PGM5: variants seen among roughly 807,000 people sequenced by gnomAD.
PGM5 encodes phosphoglucomutase 5, also known as phosphoglucomutase-like protein 5.
PGM5 carries 23 observed loss-of-function variants against 59.2 expected under a neutral mutation model. The observed-to-expected ratio is 0.39, with a 90% CI of 0.28 to 0.55. The LOEUF is 0.55. Ranked by LOEUF, PGM5 falls within the 20% of genes least tolerant of loss-of-function variation. The pLI, the probability that PGM5 is intolerant of heterozygous loss-of-function variation, is 0.66. For synonymous variants in PGM5, 214 were observed against 286.0 expected (o/e 0.75, Z 2.54); for missense variants, 574 against 748.3 (o/e 0.77, Z 2.72).
intron 6 of PGM5, among the ~76,000 whole-genome samples, chr9:68,418,585 C>T (rs7023556): frequency 0.39 from 59,642 of 151,722 alleles, 11,833 homozygotes; most frequent in East Asian, 0.64. Flanking sequence ...GATGCTGCAG[C>T]TGCTGCTGCA....
At chr9:68,397,523 C>T (rs1236513039) in intron 6 of PGM5, 2 of 152,224 alleles carry the variant, frequency 1.3e-5, no homozygotes, top group Admixed American at 6.5e-5. Context: ...TGGATTAGTG[C>T]TCATCTACCC....
At chr9:68,407,450 C>T (rs1357197604) in intron 6 of PGM5, among the ~76,000 whole-genome samples, 11 of 152,080 alleles carry the variant, frequency 7.2e-5, no homozygotes, top group South Asian at 2.1e-4. Flanking sequence ...CCTTTTGATC[C>T]GTACTTTTTG....
chr9:68,469,566 G>T (rs2132082380), intron 7 of PGM5, among the ~76,000 whole-genome samples: 1 of 152,300 alleles, frequency 6.6e-6, no homozygotes, highest in Non-Finnish European at 1.5e-5. Context: ...ACAAGAAGGG[G>T]CCCTGAGTGT....
chr9:68,369,155 A>G (rs1435879403), intron 1 of PGM5, among the ~76,000 whole-genome samples: 9 of 152,348 alleles, frequency 5.9e-5, no homozygotes, highest in Middle Eastern at 3.4e-3. Flanking sequence ...ACGTGTCAAG[A>G]GTCTGTTAGG....
intron 10 of PGM5, among the ~76,000 whole-genome samples, chr9:68,502,147 G>T (rs1464386753): frequency 6.6e-6 from 1 of 152,190 alleles, no homozygotes; most frequent in Non-Finnish European, 1.5e-5. Context: ...GAGATGGGCA[G>T]GTTCTTGCCC....
chr9:68,474,447 T>G (rs187608991), intron 7 of PGM5, among the ~76,000 whole-genome samples: 1 of 152,194 alleles, frequency 6.6e-6, no homozygotes, highest in Non-Finnish European at 1.5e-5. Flanking sequence ...ATTTTTCCCT[T>G]TTCTTTTGTG....
intron 2 of PGM5, among the ~76,000 whole-genome samples, chr9:68,382,318 A>G (rs1321115636): frequency 6.6e-6 from 1 of 151,752 alleles, no homozygotes; most frequent in Non-Finnish European, 1.5e-5. Context: ...ACAAAAATGT[A>G]AAAGAATGAA....
intron 4 of PGM5, among the ~76,000 whole-genome samples, chr9:68,390,681 A>G (rs1185803358): frequency 9.2e-5 from 14 of 152,102 alleles, no homozygotes; most frequent in Non-Finnish European, 2.9e-5. Flanking sequence ...CTTATGTTCT[A>G]CCTCAGGCTC....
At chr9:68,392,530 C>T in intron 6 of PGM5, 57 bp downstream of exon 6, 2 of 1,592,346 alleles carry the variant, frequency 1.3e-6, no homozygotes, top group Non-Finnish European at 1.7e-6. Context: ...GTTGATGTCT[C>T]CTTTGTTGGT....
At chr9:68,518,093 C>A (rs767046768) in intron 10 of PGM5, among the ~76,000 whole-genome samples, 3 of 152,206 alleles carry the variant, frequency 2.0e-5, no homozygotes, top group Non-Finnish European at 4.4e-5. Flanking sequence ...AAGAGGCAGA[C>A]CTGTGTGGCA....
At chr9:68,371,380 G>A (rs567020170) in intron 1 of PGM5, among the ~76,000 whole-genome samples, 2 of 152,222 alleles carry the variant, frequency 1.3e-5, no homozygotes, top group Admixed American at 6.5e-5. Flanking sequence ...GCAAGGTAGC[G>A]GTCTGCTGCA....
intron 3 of PGM5, among the ~76,000 whole-genome samples, chr9:68,385,629 T>C (rs263793): frequency 0.47 from 71,621 of 151,392 alleles, 17,273 homozygotes; most frequent in African/African-American, 0.52. Context: ...TGTGTGCACA[T>C]GCATGGGATG....
intron 10 of PGM5, among the ~76,000 whole-genome samples, chr9:68,529,187 G>GTGTGTA (rs1164873757): frequency 3.3e-5 from 5 of 151,416 alleles, no homozygotes; most frequent in African/African-American, 1.2e-4. Context: ...GTGTGTGTGT[G>GTGTGTA]TGTGTGTGTG....
At chr9:68,400,600 T>A (rs1173717320) in intron 6 of PGM5, 1 of 152,688 alleles carries the variant, frequency 6.5e-6, no homozygotes, top group African/African-American at 2.4e-5. Context: ...CAAAGAGACA[T>A]CTGGTGATAC....
chr9:68,435,348 C>A (rs1823427730), intron 6 of PGM5, among the ~76,000 whole-genome samples: 1 of 152,112 alleles, frequency 6.6e-6, no homozygotes, highest in South Asian at 2.1e-4. Context: ...TACATGCAAC[C>A]ATCATCATAA....
chr9:68,471,596 C>T (rs1159814538), intron 7 of PGM5, among the ~76,000 whole-genome samples: 1 of 143,756 alleles, frequency 7.0e-6, no homozygotes, highest in Admixed American at 7.0e-5. Context: ...GCCTGGTCAA[C>T]ACAAAAAGAC....
intron 10 of PGM5, among the ~76,000 whole-genome samples, chr9:68,501,822 C>T (rs1824579056): frequency 6.6e-6 from 1 of 152,198 alleles, no homozygotes; most frequent in Admixed American, 6.5e-5. Context: ...TTTACTTTGG[C>T]CATGGATAGT....
intron 6 of PGM5, among the ~76,000 whole-genome samples, chr9:68,406,678 G>GTATATA (rs782034091): frequency 8.5e-5 from 2 of 23,612 alleles, no homozygotes; most frequent in African/African-American, 3.5e-4. Flanking sequence ...ATATATATAT[G>GTATATA]TATATATATA....
intron 10 of PGM5, among the ~76,000 whole-genome samples, chr9:68,513,191 T>C (rs908854620): frequency 6.6e-6 from 1 of 152,264 alleles, no homozygotes; most frequent in Admixed American, 6.5e-5. Flanking sequence ...TATACATAGA[T>C]GAATTGTGAA....
Sources: gnomAD v4.1 joint callset for allele counts (sites outside exome capture counted in the v4.1 genomes callset) on GRCh38, gnomAD v4.1.1 for gene constraint, MANE v1.5 for transcripts, NCBI Gene and HGNC (gene_info 2026-07-23, HGNC 2026-07-21) for gene names.